DAAM1: variants seen among roughly 807,000 people sequenced by gnomAD.
DAAM1 encodes the protein dishevelled associated activator of morphogenesis 1.
A neutral mutation model predicts 130.0 loss-of-function variants in DAAM1; 52 were observed. The observed-to-expected ratio is 0.40, with a 90% CI of 0.32 to 0.50. The LOEUF (loss-of-function observed/expected upper bound fraction) is 0.50, where lower values mean the gene tolerates loss of function less well. DAAM1 is among the 20% of genes least tolerant of loss of function. The pLI, the probability that DAAM1 is intolerant of heterozygous loss-of-function variation, is 0.61. For missense variants in DAAM1, 1,134 were observed against 1,303.8 expected, an observed-to-expected ratio of 0.87 and a Z score of 2.01; for synonymous variants, 452 against 444.5, an observed-to-expected ratio of 1.02 and a Z score of -0.21.
chr14:59,301,176 G>C (rs1884156051), intron 3 of DAAM1, among the ~76,000 whole-genome samples: 1 of 151,970 alleles, frequency 6.6e-6, no homozygotes, highest in African/African-American at 2.4e-5. Flanking sequence ...AAGTTTTTCA[G>C]TTTTTTCCCA....
chr14:59,195,111 TC>T (rs1390294801), intron 1 of DAAM1, among the ~76,000 whole-genome samples: 1 of 152,060 alleles, frequency 6.6e-6, no homozygotes, highest in Non-Finnish European at 1.5e-5. Flanking sequence ...AGAAGGTTTT[TC>T]TTTTTTCTTA....
At chr14:59,363,277 A>G (rs1886783073) in intron 22 of DAAM1, 1 of 178,812 alleles carries the variant, frequency 5.6e-6, no homozygotes, top group Non-Finnish European at 1.2e-5. Context: ...TGGAATATTG[A>G]CAAGCAGAGT....
intron 15 of DAAM1, among the ~76,000 whole-genome samples, chr14:59,334,911 A>T (rs1221035691): frequency 1.3e-5 from 2 of 152,216 alleles, no homozygotes; most frequent in Admixed American, 6.5e-5. Context: ...CTACAAGATG[A>T]TAATATTAAG....
At chr14:59,234,903 T>C (rs1166286243) in intron 1 of DAAM1, among the ~76,000 whole-genome samples, 1 of 152,200 alleles carries the variant, frequency 6.6e-6, no homozygotes, top group Non-Finnish European at 1.5e-5. Flanking sequence ...GAGATAATCA[T>C]GTGGTTTTTT....
In DAAM1 at chr14:59,315,326, T is replaced by C; in HGVS notation, c.320T>C (p.Ile107Thr). The C allele has an allele frequency of 1.2e-6, 2 of 1,614,034 alleles. No individual in the cohort carries two copies. Among genetic ancestry groups the C allele is most frequent in the Non-Finnish European group, 1.7e-6 (2 of 1,179,948 alleles). The change falls in exon 4 of 25, where the codon ATT (isoleucine) becomes ACT (threonine). Residue 107 changes from isoleucine to threonine, a missense_variant. By Grantham distance (89) the Ile-to-Thr change is moderately conservative. This residue lies in a region of DAAM1 where 391 missense variants were observed against 521.6 expected (regional missense o/e 0.75). Coordinates refer to ENST00000360909, the MANE Select transcript of DAAM1 (RefSeq NM_001270520.2). Reference sequence around the variant, plus strand: ...GCTACAAGTTGGCCTGAATTCTACATTGATCAGCTCAATTCCATGGCTGCT... The same window carrying C: ...GCTACAAGTTGGCCTGAATTCTACACTGATCAGCTCAATTCCATGGCTGCT... ...KGATSWPEFYIDQLNSMAARK... is the reference protein window; with the variant it reads ...KGATSWPEFYTDQLNSMAARK...
intron 1 of DAAM1, among the ~76,000 whole-genome samples, chr14:59,203,648 G>C (rs1356530088): frequency 1.3e-5 from 2 of 152,104 alleles, no homozygotes; most frequent in South Asian, 2.1e-4. Context: ...AGAAATTTTT[G>C]TTGTAGTAGA....
chr14:59,329,849 A>G (rs1885352473), intron 12 of DAAM1, among the ~76,000 whole-genome samples: 2 of 151,996 alleles, frequency 1.3e-5, no homozygotes, highest in Admixed American at 1.3e-4. Flanking sequence ...TACTGACCCC[A>G]CTCCCCTTAA....
intron 1 of DAAM1, among the ~76,000 whole-genome samples, chr14:59,248,174 G>A (rs897144386): frequency 6.6e-6 from 1 of 152,156 alleles, no homozygotes; most frequent in African/African-American, 2.4e-5. Context: ...TTAGTGTTTA[G>A]TTGTCTTGAA....
chr14:59,330,396 G>A (rs1459563320), intron 12 of DAAM1, 105 bp from the exon 13 acceptor site: 1 of 1,026,748 alleles, frequency 9.7e-7, no homozygotes, highest in African/African-American at 1.6e-5. Context: ...ACCTAATAAA[G>A]ATCCTCATAA....
chr14:59,259,662 A>G (rs538376299), intron 1 of DAAM1, among the ~76,000 whole-genome samples: 1 of 152,292 alleles, frequency 6.6e-6, no homozygotes, highest in South Asian at 2.1e-4. Flanking sequence ...AGAGACAAAT[A>G]TTAACAGTTA....
intron 1 of DAAM1, among the ~76,000 whole-genome samples, chr14:59,208,812 G>A (rs1212062996): frequency 3.9e-5 from 6 of 152,096 alleles, no homozygotes; most frequent in Admixed American, 3.9e-4. Flanking sequence ...CCTTGGTGAC[G>A]AGTGGGTTCT....
chr14:59,331,143 C>G (rs1885415021), intron 13 of DAAM1, 66 bp from the exon 14 acceptor site: 1 of 1,583,886 alleles, frequency 6.3e-7, no homozygotes, highest in African/African-American at 1.4e-5. Context: ...AAGTTACAGA[C>G]TCTTAAATCA....
chr14:59,318,015 G>T (rs574807567), intron 4 of DAAM1, among the ~76,000 whole-genome samples: 16 of 152,152 alleles, frequency 1.1e-4, no homozygotes, highest in Non-Finnish European at 2.1e-4. Flanking sequence ...TGTGAAGCCA[G>T]CCTTTTTGGA....
intron 3 of DAAM1, among the ~76,000 whole-genome samples, chr14:59,298,083 T>C (rs1884028253): frequency 6.6e-6 from 1 of 152,174 alleles, no homozygotes. Flanking sequence ...TTTTTTCTGG[T>C]TGCAAAAAAT....
intron 1 of DAAM1, among the ~76,000 whole-genome samples, chr14:59,242,961 A>T (rs938505762): frequency 1.3e-5 from 2 of 152,194 alleles, no homozygotes; most frequent in Admixed American, 6.5e-5. Flanking sequence ...TGATGAAAGA[A>T]CGAATCCTTG....
At chr14:59,266,831 G>C (rs112543134) in intron 2 of DAAM1, among the ~76,000 whole-genome samples, 1 of 152,178 alleles carries the variant, frequency 6.6e-6, no homozygotes, top group Non-Finnish European at 1.5e-5. Flanking sequence ...CTGGTCTCTG[G>C]AGTCAAACAC....
intron 18 of DAAM1, 138 bp downstream of exon 18, chr14:59,352,770 G>A (rs1485862662): frequency 1.4e-6 from 1 of 739,208 alleles, no homozygotes; most frequent in African/African-American, 1.8e-5. Flanking sequence ...ATCTTCTCAA[G>A]TCTGAGTGAT....
At chr14:59,218,013 G>C (rs905179592) in intron 1 of DAAM1, among the ~76,000 whole-genome samples, 2 of 151,700 alleles carry the variant, frequency 1.3e-5, no homozygotes, top group Admixed American at 1.3e-4. Flanking sequence ...TGTGCATGTA[G>C]TCCCAGCTAT....
intron 1 of DAAM1, among the ~76,000 whole-genome samples, chr14:59,205,571 G>T (rs1466923195): frequency 6.6e-6 from 1 of 152,136 alleles, no homozygotes; most frequent in African/African-American, 2.4e-5. Flanking sequence ...AAAAATTGAG[G>T]TCATGAAATA....
Sources: allele counts gnomAD v4.1 joint callset (sites outside exome capture counted in the v4.1 genomes callset), GRCh38; gene constraint gnomAD v4.1.1; regional missense constraint gnomAD v4.1.1; transcripts MANE v1.5; gene names NCBI Gene and HGNC (gene_info 2026-07-23, HGNC 2026-07-21).